The following FBXW7 variants were observed in gnomAD, a reference collection of about 807,000 sequenced individuals.
FBXW7 encodes F-box/WD repeat-containing protein 7.
In FBXW7, 11 loss-of-function variants were observed where a neutral mutation model predicts 86.3. That is an observed-to-expected ratio of 0.13 (90% CI 0.08 to 0.21). The LOEUF (loss-of-function observed/expected upper bound fraction) is 0.21, where lower values mean the gene tolerates loss of function less well. FBXW7 is among the 10% of genes least tolerant of loss of function. The pLI is 1.00. For missense variants in FBXW7, 488 were observed against 847.4 expected, an observed-to-expected ratio of 0.58 and a Z score of 5.27; for synonymous variants, 313 against 297.9, an observed-to-expected ratio of 1.05 and a Z score of -0.52.
chr4:152,411,264 T>C, intron 4 of FBXW7, 39 bp downstream of exon 4: 1 of 1,512,434 alleles, frequency 6.6e-7, no homozygotes. Flanking sequence ...AATAGATATG[T>C]AAAGTTTCTC....
At chr4:152,368,775 G>A (rs189978809) in intron 4 of FBXW7, among the ~76,000 whole-genome samples, 255 of 152,048 alleles carry the variant, frequency 1.7e-3, no homozygotes, top group Non-Finnish European at 2.7e-3. Context: ...CTTATATAGC[G>A]ATTTTAAAAA....
intron 4 of FBXW7, among the ~76,000 whole-genome samples, chr4:152,365,848 G>C (rs1259838767): frequency 6.6e-6 from 1 of 152,158 alleles, no homozygotes; most frequent in Non-Finnish European, 1.5e-5. Context: ...TACAGTGTGA[G>C]CACATTAAAT....
chr4:152,412,120 A>G (rs1438479126), intron 3 of FBXW7, among the ~76,000 whole-genome samples: 3 of 152,166 alleles, frequency 2.0e-5, no homozygotes, highest in African/African-American at 7.2e-5. Flanking sequence ...TTTAGCATGA[A>G]GATTTATAGT....
intron 2 of FBXW7, among the ~76,000 whole-genome samples, chr4:152,482,022 T>C (rs1219703355): frequency 1.3e-5 from 2 of 152,170 alleles, no homozygotes; most frequent in African/African-American, 4.8e-5. Context: ...AAAACACTAT[T>C]AAACAACATC....
intron 2 of FBXW7, among the ~76,000 whole-genome samples, chr4:152,495,890 G>GTT (rs1163623422): frequency 1.3e-5 from 2 of 152,200 alleles, no homozygotes; most frequent in Non-Finnish European, 2.9e-5. Flanking sequence ...AGAAGTAAGA[G>GTT]TTTAGGCCAG....
At chr4:152,347,622 G>A (rs1731397933) in intron 5 of FBXW7, among the ~76,000 whole-genome samples, 1 of 151,954 alleles carries the variant, frequency 6.6e-6, no homozygotes, top group African/African-American at 2.4e-5. Flanking sequence ...TATAAAGTTT[G>A]GTCTGAATAG....
intron 2 of FBXW7, among the ~76,000 whole-genome samples, chr4:152,529,865 A>G (rs779526452): frequency 6.6e-6 from 1 of 151,786 alleles, no homozygotes; most frequent in Non-Finnish European, 1.5e-5. Context: ...TTCCCTATCA[A>G]TCCAAAAGTT....
At chr4:152,364,242 T>C (rs1429404607) in intron 4 of FBXW7, among the ~76,000 whole-genome samples, 14 of 152,278 alleles carry the variant, frequency 9.2e-5, no homozygotes, top group Admixed American at 9.2e-4. Flanking sequence ...CAACAACAAA[T>C]GGGTTTTGCT....
chr4:152,412,730 TTATAA>T (rs778835169), intron 2 of FBXW7: 12 of 152,100 alleles, frequency 7.9e-5, no homozygotes, highest in East Asian at 1.9e-4. Context: ...AACATGGATG[TTATAA>T]TATATTATGC....
intron 4 of FBXW7, among the ~76,000 whole-genome samples, chr4:152,363,073 C>A (rs1338946310): frequency 1.3e-5 from 2 of 151,914 alleles, no homozygotes; most frequent in Admixed American, 6.6e-5. Flanking sequence ...TTGTGAGATT[C>A]ACAATATTTG....
intron 2 of FBXW7, among the ~76,000 whole-genome samples, chr4:152,444,181 A>G (rs902031241): frequency 6.6e-6 from 1 of 152,214 alleles, no homozygotes; most frequent in African/African-American, 2.4e-5. Context: ...ACCTAAGACC[A>G]TATGCACTAT....
At chr4:152,420,652 T>C (rs1456934860) in intron 2 of FBXW7, among the ~76,000 whole-genome samples, 1 of 152,090 alleles carries the variant, frequency 6.6e-6, no homozygotes, top group East Asian at 1.9e-4. Context: ...CATGAAAAAA[T>C]AGGAATCTCC....
intron 4 of FBXW7, among the ~76,000 whole-genome samples, chr4:152,409,011 G>T (rs1176380334): frequency 1.3e-5 from 2 of 152,148 alleles, no homozygotes; most frequent in South Asian, 4.1e-4. Context: ...TAGTGACAAG[G>T]GGGGAAAAAC....
intron 4 of FBXW7, among the ~76,000 whole-genome samples, chr4:152,392,899 CT>C (rs34038540): frequency 6.6e-6 from 1 of 152,078 alleles, no homozygotes; most frequent in Admixed American, 6.6e-5. Flanking sequence ...CATAATAAAA[CT>C]TTTTAAAGAG....
chr4:152,383,357 C>T (rs1436578353), intron 4 of FBXW7, among the ~76,000 whole-genome samples: 1 of 152,102 alleles, frequency 6.6e-6, no homozygotes, highest in Non-Finnish European at 1.5e-5. Context: ...TGGTTCTCCA[C>T]GGCCTAAGAT....
chr4:152,421,866 T>G (rs1200044212), intron 2 of FBXW7, among the ~76,000 whole-genome samples: 1 of 152,154 alleles, frequency 6.6e-6, no homozygotes, highest in African/African-American at 2.4e-5. Flanking sequence ...CATCTTTTAT[T>G]CTTCTATGGG....
At chr4:152,471,872 C>G (rs553730579) in intron 2 of FBXW7, among the ~76,000 whole-genome samples, 2 of 151,898 alleles carry the variant, frequency 1.3e-5, no homozygotes, top group Admixed American at 1.3e-4. Flanking sequence ...TGCACTCCAG[C>G]CTGGGTGACA....
In FBXW7 at chr4:152,411,534, G is replaced by T. The variant is rs1737968102; in HGVS notation, c.270C>A (p.Asp90Glu). Residue 90 changes from aspartate (D) to glutamate (E), a missense_variant, in exon 4 of 14, where the codon GAC (aspartate) becomes GAA (glutamate). By Grantham distance (45) the Asp-to-Glu change is conservative. This residue lies in a region of FBXW7 where 230 missense variants were observed against 240.0 expected (regional missense o/e 0.96). Transcript: ENST00000281708. The part of the protein sequence containing the change: ...NNNRFISVDE[D>E]SSGNQEEQEE... Reference sequence around the variant, plus strand: ...CTTGTTCTTCTTGGTTTCCTGAGGAGTCCTCATCTACCGAAATAAATCTAT... The same window carrying T: ...CTTGTTCTTCTTGGTTTCCTGAGGATTCCTCATCTACCGAAATAAATCTAT... The T allele has an allele frequency of 1.2e-6, 2 of 1,613,718 alleles. No homozygotes were observed. The highest frequency in any genetic ancestry group is 1.7e-6 in the Non-Finnish European group (2 of 1,179,926).
At chr4:152,357,325 CT>C (rs398064144) in intron 4 of FBXW7, among the ~76,000 whole-genome samples, 165 of 138,868 alleles carry the variant, frequency 1.2e-3, no homozygotes, top group Admixed American at 1.4e-3. Flanking sequence ...GTAGTTTTTT[CT>C]TTTTTTTTTT....
Sources: gnomAD v4.1 joint callset for allele counts (sites outside exome capture counted in the v4.1 genomes callset) on GRCh38, gnomAD v4.1.1 for gene constraint, gnomAD v4.1.1 regional missense constraint, MANE v1.5 for transcripts, NCBI Gene and HGNC (gene_info 2026-07-23, HGNC 2026-07-21) for gene names.